The following TTC23L variants were observed in gnomAD, a reference collection of about 807,000 sequenced individuals.
TTC23L encodes tetratricopeptide repeat domain 23 like, also known as tetratricopeptide repeat protein 23-like.
A neutral mutation model predicts 48.1 loss-of-function variants in TTC23L; 42 were observed. The observed-to-expected ratio is 0.87, with a 90% CI of 0.68 to 1.13. The LOEUF is 1.13. TTC23L is among the 50% of genes most tolerant of loss of function. TTC23L has a pLI of 0.00. For synonymous variants in TTC23L, 159 were observed against 157.2 expected (o/e 1.01, Z -0.09); for missense variants, 391 against 421.0 (o/e 0.93, Z 0.62).
chr5:34,924,577 A>G, the TTC23L span, among the ~76,000 whole-genome samples: 1 of 152,224 alleles, frequency 6.6e-6, no homozygotes, highest in Admixed American at 6.5e-5. Flanking sequence ...TTTCAAGGAT[A>G]TATGCATTGT....
the TTC23L span, chr5:34,909,289 C>T: frequency 1.2e-6 from 2 of 1,611,000 alleles, no homozygotes; most frequent in African/African-American, 1.3e-5. Context: ...CAATGAAATG[C>T]TTCCATCAAA....
chr5:34,853,352 G>T (rs1759842004), intron 4 of TTC23L, among the ~76,000 whole-genome samples: 1 of 152,078 alleles, frequency 6.6e-6, no homozygotes, highest in South Asian at 2.1e-4. Context: ...TCAACATGGT[G>T]AAACCCCGTC....
chr5:34,914,410 C>G, the TTC23L span: 5 of 402,992 alleles, frequency 1.2e-5, no homozygotes, highest in Non-Finnish European at 2.3e-5. Flanking sequence ...AATAAGAAGA[C>G]TGTAGCCTAG....
chr5:34,876,986 T>C (rs1761886169), intron 8 of TTC23L, among the ~76,000 whole-genome samples: 1 of 149,718 alleles, frequency 6.7e-6, no homozygotes, highest in East Asian at 1.9e-4. Flanking sequence ...TAAAGTATAA[T>C]AAAAAAAAAT....
chr5:34,910,051 AG>A, the TTC23L span, among the ~76,000 whole-genome samples: 5 of 152,070 alleles, frequency 3.3e-5, no homozygotes, highest in East Asian at 7.7e-4. Flanking sequence ...ATCCATACCC[AG>A]CCATGATGAT....
the TTC23L span, chr5:34,914,126 A>G: frequency 2.6e-6 from 1 of 379,570 alleles, no homozygotes; most frequent in Non-Finnish European, 5.4e-6. Flanking sequence ...TTGCAATCCT[A>G]TCTGAACCAC....
intron 2 of TTC23L, among the ~76,000 whole-genome samples, chr5:34,841,492 A>G (rs1386472855): frequency 6.6e-6 from 1 of 152,186 alleles, no homozygotes; most frequent in Non-Finnish European, 1.5e-5. Context: ...TAAACTGGGC[A>G]TTCTGACTCT....
At chr5:34,868,462 G>A (rs959581252) in intron 7 of TTC23L, 3 of 158,090 alleles carry the variant, frequency 1.9e-5, no homozygotes, top group African/African-American at 7.2e-5. Context: ...GCTGGGTGGT[G>A]TTCTAACCAC....
At chr5:34,924,729 C>T in the TTC23L span, 1 of 602,084 alleles carries the variant, frequency 1.7e-6, no homozygotes, top group Non-Finnish European at 2.9e-6. Flanking sequence ...GTTTCACCCC[C>T]ACCTTGATTT....
At chr5:34,884,902 A>G (rs1010614041) in intron 9 of TTC23L, among the ~76,000 whole-genome samples, 10 of 152,212 alleles carry the variant, frequency 6.6e-5, no homozygotes, top group Admixed American at 4.6e-4. Context: ...TTGTTCTGAC[A>G]TGCCACATTA....
At chr5:34,904,633 TCAATGACGTACTACCTG>T in the TTC23L span, among the ~76,000 whole-genome samples, 1 of 151,964 alleles carries the variant, frequency 6.6e-6, no homozygotes, top group Non-Finnish European at 1.5e-5. Context: ...TTCTGTATGT[TCAATGACGTACTACCTG>T]CTGATTTGGT....
At chr5:34,924,883 C>A in the TTC23L span, 1 of 1,605,834 alleles carries the variant, frequency 6.2e-7, no homozygotes, top group Non-Finnish European at 8.5e-7. Flanking sequence ...AGAAATAGGA[C>A]CTCGTTTTGT....
chr5:34,894,324 T>G lies in TTC23L; in HGVS notation c.1078-2446T>G, dbSNP rs577963520. On this transcript the variant is annotated intron_variant, in intron 9 of 10. Coordinates refer to ENST00000505624, the Ensembl canonical transcript of TTC23L. ...AGTAGAAATACTAGTACATTTTTAT[T>G]GCCATATAATATGGTCATTCAAAGG... Among the ~76,000 whole-genome samples the G allele has an allele frequency of 3.9e-5, 6 of 152,302 alleles. No homozygotes were observed. In the East Asian group the frequency reaches 1.2e-3, roughly 29 times the overall value.
At chr5:34,923,823 A>G in the TTC23L span, among the ~76,000 whole-genome samples, 1 of 152,218 alleles carries the variant, frequency 6.6e-6, no homozygotes. Context: ...GCAAGTAACT[A>G]TGTACTGTCT....
intron 9 of TTC23L, among the ~76,000 whole-genome samples, chr5:34,890,635 C>T (rs1762812492): frequency 6.6e-6 from 1 of 152,036 alleles, no homozygotes; most frequent in African/African-American, 2.4e-5. Flanking sequence ...ACCCATTTTA[C>T]ATGTGGGAAA....
chr5:34,843,464 C>T (rs990417442), intron 2 of TTC23L, among the ~76,000 whole-genome samples: 5 of 152,220 alleles, frequency 3.3e-5, no homozygotes, highest in Admixed American at 6.5e-5. Context: ...CTCAATGTTT[C>T]TCATTCCTTT....
chr5:34,864,212 G>C (rs1760884050), intron 5 of TTC23L, among the ~76,000 whole-genome samples: 1 of 152,138 alleles, frequency 6.6e-6, no homozygotes, highest in South Asian at 2.1e-4. Flanking sequence ...ACCTACTCTA[G>C]TCTTGGATTC....
At chr5:34,871,397 G>T (rs1232416984) in intron 8 of TTC23L, among the ~76,000 whole-genome samples, 3 of 152,028 alleles carry the variant, frequency 2.0e-5, no homozygotes, top group Non-Finnish European at 4.4e-5. Context: ...CAAAACTGAT[G>T]AAAGAAATTA....
the TTC23L span, chr5:34,922,846 T>A: frequency 7.2e-7 from 1 of 1,394,732 alleles, no homozygotes; most frequent in Non-Finnish European, 1.0e-6. Flanking sequence ...GTTGTGTTAT[T>A]CAATTTAGTT....
Sources: gnomAD v4.1 joint callset for allele counts (sites outside exome capture counted in the v4.1 genomes callset) on GRCh38, gnomAD v4.1.1 for gene constraint, MANE v1.5 for transcripts, NCBI Gene and HGNC (gene_info 2026-07-23, HGNC 2026-07-21) for gene names.